Variants in CTNND2 observed in about 807,000 individuals in gnomAD.
CTNND2 encodes catenin delta-2.
CTNND2 carries 22 observed loss-of-function variants against 144.4 expected under a neutral mutation model. The ratio of observed to expected loss-of-function variants is 0.15; its 90% CI spans 0.11 to 0.22. The LOEUF (loss-of-function observed/expected upper bound fraction) is 0.22. CTNND2 is among the 10% of genes least tolerant of loss of function. The pLI is 1.00. For missense variants in CTNND2, 1,353 were observed against 1,618.8 expected, an observed-to-expected ratio of 0.84 and a Z score of 2.82; for synonymous variants, 751 against 695.6, an observed-to-expected ratio of 1.08 and a Z score of -1.25.
chr5:11,820,032 T>A (rs543008575), intron 1 of CTNND2, among the ~76,000 whole-genome samples: 22 of 152,186 alleles, frequency 1.4e-4, no homozygotes, highest in African/African-American at 5.3e-4. Context: ...AGACACAGGG[T>A]CACATGTCTG....
At chr5:11,644,795 T>C (rs750671601) in intron 2 of CTNND2, among the ~76,000 whole-genome samples, 6 of 152,112 alleles carry the variant, frequency 3.9e-5, no homozygotes, top group South Asian at 2.1e-4. Flanking sequence ...AATTGAACAA[T>C]TGATGCTTGT....
chr5:11,158,821 CT>C (rs562261692), intron 12 of CTNND2, among the ~76,000 whole-genome samples: 4 of 152,180 alleles, frequency 2.6e-5, no homozygotes, highest in Non-Finnish European at 5.9e-5. Context: ...CCTTTTGCCC[CT>C]ATCCCAGCAA....
chr5:11,638,432 T>C lies in CTNND2; in HGVS notation c.175-73376A>G, dbSNP rs560612039. ...TGGTACTGCAGTAATAGATGAGATG[T>C]CTTAATTCTCCTTATCTCTGCAAGG... On this transcript the variant is annotated intron_variant, in intron 2 of 21. Coordinates refer to ENST00000304623, the MANE Select transcript of CTNND2 (RefSeq NM_001332.4). Among the ~76,000 whole-genome samples the C allele has an allele frequency of 1.1e-4, 16 of 152,348 alleles. 1 individual carries two copies. In the South Asian group the frequency reaches 3.3e-3, roughly 32 times the overall value.
At chr5:11,647,501 A>T (rs1782417517) in intron 2 of CTNND2, among the ~76,000 whole-genome samples, 1 of 151,886 alleles carries the variant, frequency 6.6e-6, no homozygotes, top group African/African-American at 2.4e-5. Flanking sequence ...GCTTCCATGC[A>T]AGCCACTTTG....
chr5:11,334,439 C>T (rs1337568774), intron 9 of CTNND2, among the ~76,000 whole-genome samples: 1 of 152,020 alleles, frequency 6.6e-6, no homozygotes, highest in Non-Finnish European at 1.5e-5. Context: ...GTCTGTAAAC[C>T]AACTTTCATT....
chr5:11,202,971 AT>A (rs1218699055), intron 10 of CTNND2, among the ~76,000 whole-genome samples: 1 of 151,780 alleles, frequency 6.6e-6, no homozygotes, highest in Non-Finnish European at 1.5e-5. Flanking sequence ...CGTCTGGCTA[AT>A]TTTTGTATTT....
chr5:11,416,733 A>G (rs78051892), intron 3 of CTNND2, among the ~76,000 whole-genome samples: 53 of 152,330 alleles, frequency 3.5e-4, no homozygotes, highest in African/African-American at 1.2e-3. Flanking sequence ...ATTTAATATA[A>G]TAGAAACGTC....
intron 8 of CTNND2, among the ~76,000 whole-genome samples, chr5:11,352,642 ACTTAT>A (rs1410198387): frequency 5.9e-5 from 9 of 152,340 alleles, no homozygotes; most frequent in African/African-American, 1.2e-4. Context: ...TGGTGACTAT[ACTTAT>A]CTTAACCAAT....
At chr5:11,710,921 A>G (rs1785989266) in intron 2 of CTNND2, among the ~76,000 whole-genome samples, 1 of 152,194 alleles carries the variant, frequency 6.6e-6, no homozygotes. Flanking sequence ...GTTTAAACAT[A>G]AGAAAAACAA....
chr5:11,840,067 AATT>A (rs1794380098), intron 1 of CTNND2, among the ~76,000 whole-genome samples: 1 of 152,238 alleles, frequency 6.6e-6, no homozygotes, highest in South Asian at 2.1e-4. Context: ...TTCTTAAAAA[AATT>A]ATAAAAGCTA....
At chr5:11,660,328 A>G (rs185925427) in intron 2 of CTNND2, among the ~76,000 whole-genome samples, 13 of 152,272 alleles carry the variant, frequency 8.5e-5, no homozygotes, top group Admixed American at 3.9e-4. Flanking sequence ...AAGTTAAAGT[A>G]CTATCAAAAG....
At chr5:11,183,743 G>A (rs982484034) in intron 11 of CTNND2, among the ~76,000 whole-genome samples, 1 of 151,808 alleles carries the variant, frequency 6.6e-6, no homozygotes, top group South Asian at 2.1e-4. Flanking sequence ...ATTTTTAGTA[G>A]AGACAGGGTT....
Position 11,791,745 on chromosome 5 carries a change from A to T in CTNND2, c.38-59473T>A, listed in dbSNP as rs1791147297. Among the ~76,000 whole-genome samples, 6 of 152,204 alleles carry T rather than the reference A, an allele frequency of 3.9e-5. No homozygotes were observed. In the South Asian group the frequency reaches 1.0e-3, roughly 26 times the overall value. On this transcript the variant is annotated intron_variant, in intron 1 of 21. Coordinates refer to ENST00000304623, the MANE Select transcript of CTNND2 (RefSeq NM_001332.4). ...GGCTCTTTCTTGCCTCAGAATTAAC[A>T]TTTATCCTATTAATTCATTACTGCT...
intron 12 of CTNND2, among the ~76,000 whole-genome samples, chr5:11,118,238 G>A (rs182560235): frequency 1.5e-4 from 23 of 152,348 alleles, no homozygotes; most frequent in Non-Finnish European, 3.1e-4. Flanking sequence ...GAGATAATCC[G>A]AAGGAAAATC....
intron 1 of CTNND2, among the ~76,000 whole-genome samples, chr5:11,775,760 C>T (rs1468084364): frequency 6.6e-6 from 1 of 152,180 alleles, no homozygotes; most frequent in African/African-American, 2.4e-5. Context: ...ATAATATACC[C>T]CCGACATTTA....
intron 11 of CTNND2, among the ~76,000 whole-genome samples, chr5:11,183,772 T>C (rs562779999): frequency 1.2e-4 from 18 of 152,230 alleles, no homozygotes; most frequent in African/African-American, 4.3e-4. Context: ...TTGGCCAGGC[T>C]GGTCTCGAAC....
In CTNND2 at chr5:11,098,753, C is replaced by T. The variant is rs61755690; in HGVS notation, c.2464-5G>A. ...AAGAGGTCCTACTCCATCCCACTGGCGGAAGAAAAACAAGAGAGCAAACAT... is the reference window on the plus strand; with the variant it reads ...AAGAGGTCCTACTCCATCCCACTGGTGGAAGAAAAACAAGAGAGCAAACAT... On this transcript the variant is annotated splice_region_variant and splice_polypyrimidine_tract_variant and intron_variant, in intron 14 of 21. Coordinates refer to ENST00000304623, the MANE Select transcript of CTNND2 (RefSeq NM_001332.4). The T allele has an allele frequency of 3.1e-3, 5,044 of 1,609,806 alleles. 5 individuals carry two copies. The highest frequency in any genetic ancestry group is 4.1e-3 in the Non-Finnish European group (4,793 of 1,178,490).
chr5:11,823,334 C>T (rs778372428), intron 1 of CTNND2, among the ~76,000 whole-genome samples: 4 of 152,050 alleles, frequency 2.6e-5, no homozygotes, highest in East Asian at 1.9e-4. Context: ...GCTGGGTGTG[C>T]GTTGGGAGGA....
chr5:11,111,849 T>A (rs1187062711), intron 13 of CTNND2, among the ~76,000 whole-genome samples: 1 of 138,238 alleles, frequency 7.2e-6, no homozygotes, highest in Non-Finnish European at 1.6e-5. Context: ...AAGGTCTACA[T>A]TTTTTTTTTT....
Sources: allele counts gnomAD v4.1 joint callset (sites outside exome capture counted in the v4.1 genomes callset), GRCh38; gene constraint gnomAD v4.1.1; transcripts MANE v1.5; gene names NCBI Gene and HGNC (gene_info 2026-07-23, HGNC 2026-07-21).